Variants in UGT1A10 observed in about 807,000 individuals in gnomAD.
UGT1A10 encodes UDP glucuronosyltransferase family 1 member A10.
Under a neutral mutation model 45.8 loss-of-function variants are expected in UGT1A10, and 49 were observed. The observed-to-expected ratio is 1.07, with a 90% CI of 0.85 to 1.36. UGT1A10 has a LOEUF of 1.36. UGT1A10 is among the 40% of genes most tolerant of loss of function. The pLI is 0.00. For synonymous variants in UGT1A10, 284 were observed against 249.7 expected (o/e 1.14, Z -1.29); for missense variants, 745 against 668.6 (o/e 1.11, Z -1.26).
At chr2:233,724,531 C>G (rs557040072) in intron 1 of UGT1A10, among the ~76,000 whole-genome samples, 1 of 121,546 alleles carries the variant, frequency 8.2e-6, no homozygotes, top group African/African-American at 3.4e-5. Flanking sequence ...GGGGTCTCGC[C>G]GGGCAGAGGC....
chr2:233,717,883 G>A lies in UGT1A10; in HGVS notation c.856-49151G>A, dbSNP rs778761780. On this transcript the variant is annotated intron_variant, in intron 1 of 4. Transcript: ENST00000344644. ...CTGGATTGACTTGGAGAAAAGCCTG[G>A]CCATAATCTTCAGGATGAAATAAAG... 1.6e-4 allele frequency: 73 copies of A among 454,720 alleles called. 1 individual carries two copies. The highest frequency in any genetic ancestry group is 9.9e-4 in the South Asian group (64 of 64,482). 28.2% of individuals were successfully genotyped at this position (454,720 alleles called of 1,614,324 possible).
intron 1 of UGT1A10, among the ~76,000 whole-genome samples, chr2:233,701,088 A>T (rs1483138607): frequency 6.6e-6 from 1 of 152,152 alleles, no homozygotes; most frequent in Non-Finnish European, 1.5e-5. Context: ...CATGGTGTAT[A>T]TGTGCCACAT....
At chr2:233,657,720 A>G (rs960834769) in intron 1 of UGT1A10, among the ~76,000 whole-genome samples, 4 of 152,202 alleles carry the variant, frequency 2.6e-5, no homozygotes, top group African/African-American at 9.7e-5. Flanking sequence ...TGTAAATTAA[A>G]TTGCAATTTT....
intron 1 of UGT1A10, among the ~76,000 whole-genome samples, chr2:233,694,115 C>G (rs535422015): frequency 2.0e-5 from 3 of 152,126 alleles, no homozygotes; most frequent in Non-Finnish European, 4.4e-5. Context: ...TAATCTGGGA[C>G]AGTCACATAC....
At chr2:233,656,451 G>A (rs1325305016) in intron 1 of UGT1A10, among the ~76,000 whole-genome samples, 2 of 152,202 alleles carry the variant, frequency 1.3e-5, no homozygotes, top group African/African-American at 4.8e-5. Flanking sequence ...CGGTGGAGGT[G>A]CACTTGTTTA....
chr2:233,671,771 T>G, intron 1 of UGT1A10: 1 of 1,376,336 alleles, frequency 7.3e-7, no homozygotes, highest in Non-Finnish European at 9.5e-7. Context: ...TACTCATATA[T>G]TCTTGTTCTT....
Position 233,672,477 on chromosome 2 carries a change from A to G in UGT1A10, c.855+35100A>G, listed in dbSNP as rs892727312. 2.5e-6 allele frequency: 4 copies of G among 1,613,828 alleles called. No individual in the cohort carries two copies. The African/African-American group carries it at 5.3e-5, about 22-fold the overall frequency. Reference sequence around the variant, plus strand: ...TTTGCCACTATCTTGAAGAAGGTGCACAGTGCCCTGCTCCTCTTTCCTATG... The same window carrying G: ...TTTGCCACTATCTTGAAGAAGGTGCGCAGTGCCCTGCTCCTCTTTCCTATG... On this transcript the variant is annotated intron_variant, in intron 1 of 4. Transcript: ENST00000344644.
At chr2:233,653,646 G>T (rs572331726) in intron 1 of UGT1A10, among the ~76,000 whole-genome samples, 17 of 152,280 alleles carry the variant, frequency 1.1e-4, no homozygotes, top group African/African-American at 4.1e-4. Context: ...GCCTATGCTG[G>T]AGTGCAGTGG....
chr2:233,747,428 G>T (rs1427040404), intron 1 of UGT1A10: 12 of 1,608,630 alleles, frequency 7.5e-6, no homozygotes, highest in South Asian at 6.6e-5. Context: ...TCAAACAAGA[G>T]AAATTTTTCA....
At chr2:233,749,672 C>T (rs779436675) in intron 1 of UGT1A10, among the ~76,000 whole-genome samples, 1 of 151,816 alleles carries the variant, frequency 6.6e-6, no homozygotes, top group African/African-American at 2.4e-5. Flanking sequence ...ATAATCCCCA[C>T]GTGTCAAGGA....
Position 233,636,456 on chromosome 2 carries a change from A to G in UGT1A10, c.-67A>G. 6.5e-7 allele frequency: 1 copy of G among 1,544,830 alleles called. No individual in the cohort carries two copies. The highest frequency in any genetic ancestry group is 2.0e-5 in the Admixed American group (1 of 50,770). On this transcript the variant is annotated 5_prime_UTR_variant, in exon 1 of 5. Coordinates refer to ENST00000344644, the MANE Select transcript of UGT1A10 (RefSeq NM_019075.4). ...TATTGGGGTCAGGTTTTGTGCCTGT[A>G]CTTCTTCCGCCTACTGTATCATAGC...
chr2:233,767,696 G>A (rs1360592219), intron 2 of UGT1A10, among the ~76,000 whole-genome samples, 153 bp from the exon 3 acceptor site: 3 of 152,166 alleles, frequency 2.0e-5, no homozygotes, highest in African/African-American at 7.2e-5. Flanking sequence ...GCCGGAAGTT[G>A]CCAGTCCTCA....
intron 1 of UGT1A10, among the ~76,000 whole-genome samples, chr2:233,638,324 T>G (rs963207242): frequency 6.6e-6 from 1 of 152,202 alleles, no homozygotes; most frequent in Non-Finnish European, 1.5e-5. Flanking sequence ...ATTTCTACAT[T>G]TAACTGATTA....
intron 1 of UGT1A10, among the ~76,000 whole-genome samples, chr2:233,736,359 A>G (rs2078753406): frequency 6.6e-6 from 1 of 152,150 alleles, no homozygotes; most frequent in Admixed American, 6.5e-5. Flanking sequence ...TTTCAGCTCC[A>G]TCAGGTCATT....
At chr2:233,750,456 A>G (rs1220214854) in intron 1 of UGT1A10, among the ~76,000 whole-genome samples, 2 of 151,996 alleles carry the variant, frequency 1.3e-5, no homozygotes, top group Non-Finnish European at 2.9e-5. Flanking sequence ...CAAACCAGCT[A>G]CAGAAATACT....
chr2:233,725,201 GGCA>G (rs1432389183), intron 1 of UGT1A10, among the ~76,000 whole-genome samples: 1 of 92,970 alleles, frequency 1.1e-5, no homozygotes, highest in Non-Finnish European at 1.9e-5. Context: ...CAGAGGCAGA[GGCA>G]GAGGCAGAGG....
At chr2:233,755,000 G>A (rs1457245121) in intron 1 of UGT1A10, 1 of 1,292,978 alleles carries the variant, frequency 7.7e-7, no homozygotes, top group Non-Finnish European at 1.0e-6. Flanking sequence ...GGAAGCTGAA[G>A]ACCTACTCGA....
At chr2:233,761,660 C>T (rs998044886) in intron 1 of UGT1A10, among the ~76,000 whole-genome samples, 2 of 152,246 alleles carry the variant, frequency 1.3e-5, no homozygotes, top group African/African-American at 4.8e-5. Flanking sequence ...ATGAGTGAAT[C>T]ACCAGACAGT....
rs146289100 is a variant in UGT1A10, at chr2:233,636,728, C to T, written c.206C>T (p.Ser69Leu). 6.8e-5 allele frequency: 110 copies of T among 1,614,150 alleles called. No individual in the cohort carries two copies. The African/African-American group carries it at 9.9e-4, about 14-fold the overall frequency. Residue 69 changes from serine to leucine, a missense_variant, in exon 1 of 5, where the codon TCA (serine) becomes TTA (leucine). Ser to Leu is a moderately radical substitution (Grantham distance 145). Coordinates refer to ENST00000344644, the MANE Select transcript of UGT1A10 (RefSeq NM_019075.4). ...GAGGTGAGTTGGCAACTGGAAAGAT[C>T]ACTGAATTGCACAGTGAAGACTTAC... ...MPEVSWQLER[S>L]LNCTVKTYST...
Sources: gnomAD v4.1 joint callset for allele counts (sites outside exome capture counted in the v4.1 genomes callset) on GRCh38, gnomAD v4.1.1 for gene constraint, MANE v1.5 for transcripts, NCBI Gene and HGNC (gene_info 2026-07-23, HGNC 2026-07-21) for gene names.